Variants in IRAG1 observed in about 807,000 individuals in gnomAD.
IRAG1 encodes inositol 1,4,5-triphosphate receptor associated 1, also known as IP3R-associated cGMP kinase substrate.
IRAG1 carries 62 observed loss-of-function variants against 106.2 expected under a neutral mutation model. The observed-to-expected ratio is 0.58, with a 90% CI of 0.48 to 0.72. IRAG1 has a LOEUF of 0.72. IRAG1 is among the 30% of genes least tolerant of loss of function. IRAG1 has a pLI of 0.00. For missense variants in IRAG1, 1,064 were observed against 1,140.7 expected, an observed-to-expected ratio of 0.93 and a Z score of 0.97; for synonymous variants, 462 against 443.9, an observed-to-expected ratio of 1.04 and a Z score of -0.51.
chr11:10,668,832 C>A (rs1057155825), intron 1 of IRAG1, among the ~76,000 whole-genome samples: 1 of 152,136 alleles, frequency 6.6e-6, no homozygotes, highest in South Asian at 2.1e-4. Context: ...AATTCTTTAA[C>A]CCAGTTTAAA....
Position 10,577,448 on chromosome 11 carries a change from G to C in IRAG1, c.2496-873C>G, listed in dbSNP as rs77218629. ...CCGGGCAGATGGCCTGCTTTGACAAGTTCATTCTAGAGCTCTCTGAAGAAG... is the reference window on the plus strand; with the variant it reads ...CCGGGCAGATGGCCTGCTTTGACAACTTCATTCTAGAGCTCTCTGAAGAAG... On this transcript the variant is annotated intron_variant, in intron 20 of 20. Coordinates refer to ENST00000423302, the MANE Select transcript of IRAG1 (RefSeq NM_130385.4). Among the ~76,000 whole-genome samples, 1,447 of 152,076 alleles carry C rather than the reference G, an allele frequency of 9.5e-3. 27 individuals carry two copies. The highest frequency in any genetic ancestry group is 0.033 in the African/African-American group (1,358 of 41,468).
rs186573603 is a variant in IRAG1, at chr11:10,648,181, C to T, written c.225+3844G>A. On this transcript the variant is annotated intron_variant, in intron 2 of 20. Transcript: ENST00000423302. Reference sequence around the variant, plus strand: ...GAGTTTGAGACCAGCCTGGCCAACACGGCGAAACCCCATATCTACTAAAAA... The same window carrying T: ...GAGTTTGAGACCAGCCTGGCCAACATGGCGAAACCCCATATCTACTAAAAA... Among the ~76,000 whole-genome samples, 772 of 152,224 alleles carry T rather than the reference C, an allele frequency of 5.1e-3. 8 individuals are homozygous for T. Among genetic ancestry groups the T allele is most frequent in the African/African-American group, 0.018 (737 of 41,518 alleles).
rs551126487 is a variant in IRAG1, at chr11:10,587,000, C to T, written c.2240+4548G>A. 3.0e-4 allele frequency among the ~76,000 whole-genome samples: 46 copies of T among 152,332 alleles called. 2 individuals carry two copies. In the South Asian group the frequency reaches 8.5e-3, roughly 28 times the overall value. On this transcript the variant is annotated intron_variant, in intron 18 of 20. Coordinates refer to ENST00000423302, the MANE Select transcript of IRAG1 (RefSeq NM_130385.4). ...AACCCAGTGTTTGGGTTGGACTAAA[C>T]GAATCTGTAATCATGGCTATAAACT...
At chr11:10,653,102 G>A (rs1440977298) in intron 1 of IRAG1, among the ~76,000 whole-genome samples, 1 of 152,156 alleles carries the variant, frequency 6.6e-6, no homozygotes, top group Non-Finnish European at 1.5e-5. Context: ...CTACATCGAT[G>A]AGCTTAAAGT....
chr11:10,599,115 C>T (rs1221757731), intron 15 of IRAG1, among the ~76,000 whole-genome samples: 2 of 152,188 alleles, frequency 1.3e-5, no homozygotes, highest in African/African-American at 2.4e-5. Flanking sequence ...CTACGGTAAG[C>T]GTTTTCTCAT....
chr11:10,593,759 GC>G, intron 16 of IRAG1, 160 bp from the exon 17 acceptor site: 1 of 622,050 alleles, frequency 1.6e-6, no homozygotes, highest in Non-Finnish European at 2.8e-6. Context: ...GGAGAGAGTG[GC>G]CAAAGTTGAC....
chr11:10,627,710 ACT>A lies in IRAG1; in HGVS notation c.750+4_750+5del, dbSNP rs1856361739. 4 of 1,613,990 alleles carry A rather than the reference ACT, an allele frequency of 2.5e-6. No individual in the cohort carries two copies. The highest frequency in any genetic ancestry group is 3.4e-6 in the Non-Finnish European group (4 of 1,179,882). On this transcript the variant is annotated splice_donor_5th_base_variant and intron_variant, in intron 8 of 20. Coordinates refer to ENST00000423302, the MANE Select transcript of IRAG1 (RefSeq NM_130385.4). ...ATCATCCAAAGGGAGCAAAGCTCAA[ACT>A]CACAGGCTCGCCAGGGTGAGGTGAA...
intron 1 of IRAG1, among the ~76,000 whole-genome samples, chr11:10,679,380 C>A (rs561324216): frequency 4.7e-4 from 71 of 152,286 alleles, no homozygotes; most frequent in African/African-American, 1.6e-3. Flanking sequence ...CAGGCCCTGG[C>A]AACCACAGAT....
At chr11:10,685,726 G>A (rs1474041264) in intron 1 of IRAG1, among the ~76,000 whole-genome samples, 15 of 135,832 alleles carry the variant, frequency 1.1e-4, no homozygotes, top group African/African-American at 1.7e-4. Flanking sequence ...TGCCTCTCTT[G>A]AAAAAAAAAA....
chr11:10,594,733 T>C (rs1853082639), intron 15 of IRAG1, among the ~76,000 whole-genome samples: 1 of 152,238 alleles, frequency 6.6e-6, no homozygotes, highest in Non-Finnish European at 1.5e-5. Context: ...TCACGTAATA[T>C]GTTTAGCTTC....
At chr11:10,690,445 G>C in intron 1 of IRAG1, 2 of 1,272,600 alleles carry the variant, frequency 1.6e-6, no homozygotes, top group Non-Finnish European at 2.0e-6. Context: ...AGCCCTTGCA[G>C]AGAAGGCAGG....
intron 2 of IRAG1, among the ~76,000 whole-genome samples, chr11:10,634,764 T>TGTGTGTGTGC (rs1486085963): frequency 1.3e-5 from 2 of 149,566 alleles, no homozygotes; most frequent in East Asian, 3.9e-4. Flanking sequence ...TGTGTGTGTG[T>TGTGTGTGTGC]GTGTGTGTGT....
chr11:10,683,361 CA>C (rs563286344), intron 1 of IRAG1, among the ~76,000 whole-genome samples: 1,482 of 92,382 alleles, frequency 0.016, 9 homozygotes, highest in African/African-American at 0.036. Context: ...AGGTTTGTGC[CA>C]AAAAAAAAAA....
intron 1 of IRAG1, among the ~76,000 whole-genome samples, chr11:10,675,936 GGAGT>G (rs1489027234): frequency 6.6e-6 from 1 of 152,212 alleles, no homozygotes; most frequent in African/African-American, 2.4e-5. Flanking sequence ...TTCATGGACA[GGAGT>G]GAGGCAAGGA....
chr11:10,678,523 G>A (rs1183873661), intron 1 of IRAG1, among the ~76,000 whole-genome samples: 1 of 152,192 alleles, frequency 6.6e-6, no homozygotes, highest in Non-Finnish European at 1.5e-5. Flanking sequence ...CAGATTCAGA[G>A]GATGAAGTGA....
chr11:10,690,325 G>T (rs1253016254), intron 1 of IRAG1: 147 of 1,186,326 alleles, frequency 1.2e-4, no homozygotes, highest in Non-Finnish European at 1.5e-4. Flanking sequence ...GGGAGGTGGG[G>T]TTGCACCACT....
At chr11:10,600,451 G>A (rs1026766545) in intron 15 of IRAG1, among the ~76,000 whole-genome samples, 12 of 152,204 alleles carry the variant, frequency 7.9e-5, no homozygotes, top group Non-Finnish European at 1.6e-4. Context: ...CCACACCACA[G>A]TTAAAGGGAA....
chr11:10,649,504 A>G (rs1487864948), intron 2 of IRAG1, among the ~76,000 whole-genome samples: 1 of 152,194 alleles, frequency 6.6e-6, no homozygotes, highest in African/African-American at 2.4e-5. Context: ...CTTGGCCAAG[A>G]CAAGGTCTCT....
intron 10 of IRAG1, among the ~76,000 whole-genome samples, chr11:10,614,566 A>C (rs1368364194): frequency 1.3e-5 from 2 of 152,202 alleles, no homozygotes; most frequent in Non-Finnish European, 1.5e-5. Context: ...AGTAACCAAA[A>C]CAGCATGGTA....
Sources: allele counts gnomAD v4.1 joint callset (sites outside exome capture counted in the v4.1 genomes callset), GRCh38; gene constraint gnomAD v4.1.1; transcripts MANE v1.5; gene names NCBI Gene and HGNC (gene_info 2026-07-23, HGNC 2026-07-21).